Variants in KCNH7 observed in about 807,000 individuals in gnomAD.
KCNH7 encodes the protein potassium voltage-gated channel subfamily H member 7, also known as voltage-gated inwardly rectifying potassium channel KCNH7.
In KCNH7, 49 loss-of-function variants were observed where a neutral mutation model predicts 120.8. That is an observed-to-expected ratio of 0.41 (90% CI 0.32 to 0.51). The LOEUF is 0.51. KCNH7 is among the 20% of genes least tolerant of loss of function. The pLI, the probability that KCNH7 is intolerant of heterozygous loss-of-function variation, is 0.38. For missense variants in KCNH7, 1,097 were observed against 1,446.6 expected, an observed-to-expected ratio of 0.76 and a Z score of 3.92; for synonymous variants, 547 against 516.1, an observed-to-expected ratio of 1.06 and a Z score of -0.81.
chr2:162,638,836 G>A (rs1275425846), intron 2 of KCNH7, among the ~76,000 whole-genome samples: 1 of 152,102 alleles, frequency 6.6e-6, no homozygotes, highest in African/African-American at 2.4e-5. Flanking sequence ...AGTAGGTTTA[G>A]TCCAAGCATT....
chr2:162,648,902 A>T (rs145060450), intron 2 of KCNH7, among the ~76,000 whole-genome samples: 14 of 152,270 alleles, frequency 9.2e-5, no homozygotes, highest in Admixed American at 2.0e-4. Flanking sequence ...TTTCCAGTAG[A>T]TGTCTTATAA....
chr2:162,539,140 A>G (rs1559002482), intron 2 of KCNH7, among the ~76,000 whole-genome samples: 1 of 152,102 alleles, frequency 6.6e-6, no homozygotes, highest in Admixed American at 6.6e-5. Context: ...TGACTTTAGT[A>G]AACAGAAAAT....
At chr2:162,520,205 G>C (rs1016326501) in intron 3 of KCNH7, among the ~76,000 whole-genome samples, 9 of 120,690 alleles carry the variant, frequency 7.5e-5, no homozygotes, top group African/African-American at 3.0e-4. Flanking sequence ...AATCCATCCA[G>C]TCATATAAGC....
At chr2:162,616,176 G>C (rs192848513) in intron 2 of KCNH7, among the ~76,000 whole-genome samples, 37 of 152,194 alleles carry the variant, frequency 2.4e-4, no homozygotes, top group African/African-American at 7.9e-4. Flanking sequence ...CCAAAGTTCA[G>C]TTTATGACTC....
At chr2:162,749,573 G>A (rs1688470939) in intron 2 of KCNH7, among the ~76,000 whole-genome samples, 1 of 152,158 alleles carries the variant, frequency 6.6e-6, no homozygotes, top group Admixed American at 6.6e-5. Context: ...ATGTAGCAAT[G>A]ACAAGTGCTG....
chr2:162,725,862 TC>T (rs1282816102), intron 2 of KCNH7, among the ~76,000 whole-genome samples: 1 of 152,148 alleles, frequency 6.6e-6, no homozygotes, highest in Non-Finnish European at 1.5e-5. Context: ...CTTACCTACA[TC>T]CCCCATGCTT....
chr2:162,819,525 A>AT (rs1381525509), intron 2 of KCNH7, among the ~76,000 whole-genome samples: 1 of 152,180 alleles, frequency 6.6e-6, no homozygotes, highest in Non-Finnish European at 1.5e-5. Flanking sequence ...AGGTCAGAGT[A>AT]TTTTTTGAAA....
At chr2:162,661,990 G>T (rs1051282161) in intron 2 of KCNH7, among the ~76,000 whole-genome samples, 10 of 152,026 alleles carry the variant, frequency 6.6e-5, no homozygotes, top group Non-Finnish European at 1.5e-4. Flanking sequence ...TAAGCTGGGC[G>T]CAGTGGCTCA....
intron 2 of KCNH7, among the ~76,000 whole-genome samples, chr2:162,804,510 C>CA (rs1371343902): frequency 6.6e-6 from 1 of 151,334 alleles, no homozygotes; most frequent in Non-Finnish European, 1.5e-5. Flanking sequence ...AATAAACAAA[C>CA]AAAAAACAAC....
At chr2:162,687,150 C>G (rs984779604) in intron 2 of KCNH7, among the ~76,000 whole-genome samples, 1 of 152,042 alleles carries the variant, frequency 6.6e-6, no homozygotes, top group Non-Finnish European at 1.5e-5. Context: ...TGGTCAGCCT[C>G]GGGTCATATT....
intron 11 of KCNH7, among the ~76,000 whole-genome samples, chr2:162,395,321 T>G (rs1325833182): frequency 6.6e-6 from 1 of 151,790 alleles, no homozygotes; most frequent in African/African-American, 2.4e-5. Context: ...GTAAAATAGT[T>G]AAAATTAGCT....
At chr2:162,684,382 CA>C (rs1685813437) in intron 2 of KCNH7, among the ~76,000 whole-genome samples, 1 of 152,014 alleles carries the variant, frequency 6.6e-6, no homozygotes, top group Admixed American at 6.6e-5. Flanking sequence ...TTCTGTATAG[CA>C]AAACAAACTA....
intron 3 of KCNH7, among the ~76,000 whole-genome samples, chr2:162,534,504 C>T (rs1240802980): frequency 6.6e-6 from 1 of 151,308 alleles, no homozygotes; most frequent in Non-Finnish European, 1.5e-5. Flanking sequence ...TAAATATTTA[C>T]ATGAAATAAT....
chr2:162,636,440 C>A (rs1440040581), intron 2 of KCNH7, among the ~76,000 whole-genome samples: 1 of 152,070 alleles, frequency 6.6e-6, no homozygotes, highest in Admixed American at 6.6e-5. Flanking sequence ...GGACTCTCAT[C>A]GTGTTTCCTA....
At chr2:162,457,996 CA>C (rs1689025250) in intron 6 of KCNH7, among the ~76,000 whole-genome samples, 1 of 152,046 alleles carries the variant, frequency 6.6e-6, no homozygotes, top group East Asian at 1.9e-4. Context: ...CATAGGAAGT[CA>C]TTTTTTAATT....
chr2:162,536,065 G>T (rs997245818), intron 3 of KCNH7, among the ~76,000 whole-genome samples: 8 of 151,838 alleles, frequency 5.3e-5, no homozygotes, highest in Non-Finnish European at 8.8e-5. Context: ...TCCGGGGAAA[G>T]GAAGTGATTT....
intron 6 of KCNH7, among the ~76,000 whole-genome samples, chr2:162,497,651 C>T (rs1690539467): frequency 2.0e-5 from 3 of 152,174 alleles, no homozygotes; most frequent in African/African-American, 7.2e-5. Context: ...CAAATTACCT[C>T]AGTTTGAAGG....
chr2:162,446,411 T>G lies in KCNH7; in HGVS notation c.1161A>C (p.Glu387Asp). 3.7e-6 allele frequency: 6 copies of G among 1,612,836 alleles called. No individual in the cohort carries two copies. Among genetic ancestry groups the G allele is most frequent in the Non-Finnish European group, 5.1e-6 (6 of 1,179,246 alleles). Residue 387 changes from glutamate to aspartate, a missense_variant, in exon 7 of 16, where the codon GAA becomes GAC. Glu to Asp is a conservative substitution (Grantham distance 45). Around this residue, in one of 8 missense-constraint regions of KCNH7, gnomAD observed 362 missense variants for 372.2 expected, o/e 0.97. Coordinates refer to ENST00000332142, the MANE Select transcript of KCNH7 (RefSeq NM_033272.4). Reference protein sequence around the residue: ...VLSLGADVLPEYKLQTPRINK... With the variant: ...VLSLGADVLPDYKLQTPRINK... ...TGATGCGTGGTGTCTGCAGTTTGTA[T>G]TCAGGTAGGACATCTGCTCCTAAAG... is the stretch of plus-strand genomic sequence containing the variant.
chr2:162,800,117 T>C (rs1039673068), intron 2 of KCNH7, among the ~76,000 whole-genome samples: 5 of 151,656 alleles, frequency 3.3e-5, no homozygotes, highest in Admixed American at 6.6e-5. Context: ...GGGCAGATCA[T>C]AGGGCATCCA....
Sources: allele counts gnomAD v4.1 joint callset (sites outside exome capture counted in the v4.1 genomes callset), GRCh38; gene constraint gnomAD v4.1.1; regional missense constraint gnomAD v4.1.1; transcripts MANE v1.5; gene names NCBI Gene and HGNC (gene_info 2026-07-23, HGNC 2026-07-21).